The following SEMA5B variants were observed in gnomAD, a reference collection of about 807,000 sequenced individuals.
The protein encoded by SEMA5B is semaphorin 5B.
SEMA5B carries 66 observed loss-of-function variants against 135.0 expected under a neutral mutation model. That is an observed-to-expected ratio of 0.49 (90% CI 0.40 to 0.60). The LOEUF is 0.60. Among genes scored for constraint, SEMA5B ranks in the 20% least tolerant of loss-of-function variants. The pLI is 0.00. For synonymous variants in SEMA5B, 690 were observed against 639.5 expected (o/e 1.08, Z -1.19); for missense variants, 1,501 against 1,566.3 (o/e 0.96, Z 0.70).
chr3:122,944,749 C>T (rs951277327), intron 3 of SEMA5B, among the ~76,000 whole-genome samples: 4 of 152,204 alleles, frequency 2.6e-5, no homozygotes, highest in African/African-American at 9.7e-5. Flanking sequence ...AGCTGACTCG[C>T]CCGGTTTCCC....
At position 122,997,519 on chromosome 3, in the gene SEMA5B, C is replaced by CTCCCCG. The variant is rs974910795; in HGVS notation, c.-39+29944_-39+29945insCGGGGA. Among the ~76,000 whole-genome samples the CTCCCCG allele has an allele frequency of 7.4e-4, 96 of 129,980 alleles. 2 individuals carry two copies. In the Middle Eastern group the frequency reaches 0.012, roughly 16 times the overall value. 85.3% of individuals were successfully genotyped at this position (129,980 alleles called of 152,430 possible). A position where few individuals can be genotyped will look rare whatever the true frequency, so the allele number is the denominator to read the frequency against. ...CTACCTGGCTGGTCCCCAGGCCTCT[C>CTCCCCG]CCCCCCCCGTCTCCACCAGGGCATG... On this transcript the variant is annotated intron_variant, in intron 1 of 22. Transcript: ENST00000357599.
chr3:122,949,639 G>A (rs2107556618), intron 2 of SEMA5B, among the ~76,000 whole-genome samples: 1 of 152,304 alleles, frequency 6.6e-6, no homozygotes, highest in East Asian at 1.9e-4. Context: ...TATGGCTCAG[G>A]AGTCATTCAG....
chr3:122,920,106 CT>C (rs1222174767), intron 12 of SEMA5B, among the ~76,000 whole-genome samples: 4 of 152,220 alleles, frequency 2.6e-5, no homozygotes, highest in Non-Finnish European at 5.9e-5. Context: ...TCTGATTGAT[CT>C]TTTCACACAG....
intron 1 of SEMA5B, among the ~76,000 whole-genome samples, chr3:122,983,377 T>C (rs1941589970): frequency 6.6e-6 from 1 of 152,094 alleles, no homozygotes; most frequent in African/African-American, 2.4e-5. Flanking sequence ...CTCCTGCAGG[T>C]TCAATGCATT....
intron 3 of SEMA5B, among the ~76,000 whole-genome samples, chr3:122,945,985 A>C (rs1168349015): frequency 6.6e-6 from 1 of 152,132 alleles, no homozygotes; most frequent in Non-Finnish European, 1.5e-5. Context: ...GAAGGGAACC[A>C]GCCTGCTCGT....
intron 1 of SEMA5B, among the ~76,000 whole-genome samples, chr3:123,005,735 T>C (rs1043668340): frequency 2.0e-5 from 3 of 152,068 alleles, no homozygotes; most frequent in Non-Finnish European, 4.4e-5. Context: ...TCATTTGAGC[T>C]CTTCACTTTT....
intron 1 of SEMA5B, among the ~76,000 whole-genome samples, chr3:123,012,479 C>T (rs558205616): frequency 5.6e-4 from 85 of 152,312 alleles, no homozygotes; most frequent in African/African-American, 1.9e-3. Flanking sequence ...TCCGTCCCTA[C>T]CCCACCTAGG....
chr3:123,003,063 G>A (rs576816330), intron 1 of SEMA5B, among the ~76,000 whole-genome samples: 1 of 152,164 alleles, frequency 6.6e-6, no homozygotes, highest in South Asian at 2.1e-4. Flanking sequence ...GGGAAAGCAC[G>A]CTGCAGACAC....
rs921170809 is a variant in SEMA5B at position 123,026,198 on chromosome 3, G to T, written c.-39+1266C>A. On this transcript the variant is annotated intron_variant, in intron 1 of 22. Transcript: ENST00000357599. ...TTAGGGCCAGAGAAGGTAGGATCGT[G>T]GTGAGGTCTAGACACAGGCAAGCTT... Among the ~76,000 whole-genome samples the T allele has an allele frequency of 2.0e-5, 3 of 152,180 alleles. No homozygotes were observed. The East Asian group carries it at 5.8e-4, about 29-fold the overall frequency.
At chr3:122,998,903 C>T (rs1165511608) in intron 1 of SEMA5B, among the ~76,000 whole-genome samples, 1 of 152,224 alleles carries the variant, frequency 6.6e-6, no homozygotes, top group Non-Finnish European at 1.5e-5. Flanking sequence ...ATTAAATAGA[C>T]TTATTGACTT....
At chr3:123,024,091 C>T (rs1440151176) in intron 1 of SEMA5B, among the ~76,000 whole-genome samples, 1 of 152,186 alleles carries the variant, frequency 6.6e-6, no homozygotes. Context: ...TCTTCTTTGT[C>T]CATTCTACCA....
At chr3:122,994,388 C>T (rs1941972589) in intron 1 of SEMA5B, among the ~76,000 whole-genome samples, 1 of 152,192 alleles carries the variant, frequency 6.6e-6, no homozygotes, top group Non-Finnish European at 1.5e-5. Context: ...TATTTACCTC[C>T]TTCTTTGCAA....
chr3:122,924,335 C>T (rs2107645255), intron 9 of SEMA5B, among the ~76,000 whole-genome samples: 1 of 152,274 alleles, frequency 6.6e-6, no homozygotes, highest in East Asian at 1.9e-4. Flanking sequence ...TACCAAACGC[C>T]TCCAGTTATA....
At chr3:122,941,593 G>A (rs1171895312) in intron 4 of SEMA5B, among the ~76,000 whole-genome samples, 1 of 152,210 alleles carries the variant, frequency 6.6e-6, no homozygotes, top group Non-Finnish European at 1.5e-5. Context: ...TTTACTACAT[G>A]CAGTAACTGA....
At chr3:122,939,074 C>T (rs1576350279) in intron 5 of SEMA5B, among the ~76,000 whole-genome samples, 2 of 152,194 alleles carry the variant, frequency 1.3e-5, no homozygotes, top group African/African-American at 4.8e-5. Flanking sequence ...CCCAGTTTGC[C>T]CAGTATTGTC....
chr3:122,974,641 C>T (rs1941248074), intron 1 of SEMA5B, among the ~76,000 whole-genome samples: 1 of 152,084 alleles, frequency 6.6e-6, no homozygotes, highest in South Asian at 2.1e-4. Context: ...AGAGTTCCAG[C>T]CCTGGGCCAG....
chr3:123,009,064 T>C (rs1431864159), intron 1 of SEMA5B, among the ~76,000 whole-genome samples: 1 of 152,176 alleles, frequency 6.6e-6, no homozygotes, highest in Non-Finnish European at 1.5e-5. Context: ...CGAGGCTGCA[T>C]AAGACACGGA....
At chr3:122,992,172 C>T (rs1212910585) in intron 1 of SEMA5B, among the ~76,000 whole-genome samples, 1 of 152,150 alleles carries the variant, frequency 6.6e-6, no homozygotes, top group Non-Finnish European at 1.5e-5. Context: ...AGTGGGGACC[C>T]ACCACTGTTT....
intron 1 of SEMA5B, among the ~76,000 whole-genome samples, chr3:122,967,403 G>C (rs1026056765): frequency 6.6e-6 from 1 of 152,174 alleles, no homozygotes; most frequent in African/African-American, 2.4e-5. Flanking sequence ...AGGAGAGAAA[G>C]AGTAGCAGGT....
Sources: gnomAD v4.1 joint callset for allele counts (sites outside exome capture counted in the v4.1 genomes callset) on GRCh38, gnomAD v4.1.1 for gene constraint, MANE v1.5 for transcripts, NCBI Gene and HGNC (gene_info 2026-07-23, HGNC 2026-07-21) for gene names.